FTO: variants seen among roughly 807,000 people sequenced by gnomAD.
FTO encodes the protein alpha-ketoglutarate-dependent dioxygenase FTO.
A neutral mutation model predicts 63.9 loss-of-function variants in FTO; 47 were observed. The ratio of observed to expected loss-of-function variants is 0.74; its 90% confidence interval spans 0.58 to 0.94. FTO has a LOEUF of 0.94. FTO is among the 40% of genes least tolerant of loss of function. FTO has a pLI of 0.00. For synonymous variants in FTO, 207 were observed against 224.4 expected (o/e 0.92, Z 0.69); for missense variants, 562 against 618.1 (o/e 0.91, Z 0.96).
chr16:54,012,146 A>G (rs1432593261), intron 8 of FTO, among the ~76,000 whole-genome samples: 1 of 152,236 alleles, frequency 6.6e-6, no homozygotes, highest in Non-Finnish European at 1.5e-5. Context: ...AAGATCCTGC[A>G]CCAAATTAAA....
At chr16:54,009,608 A>G (rs2084291813) in intron 8 of FTO, among the ~76,000 whole-genome samples, 1 of 152,112 alleles carries the variant, frequency 6.6e-6, no homozygotes, top group Admixed American at 6.6e-5. Context: ...CCCAGATGAT[A>G]TCTCCCAAGA....
At chr16:54,080,957 A>C (rs1332148911) in intron 8 of FTO, among the ~76,000 whole-genome samples, 1 of 152,204 alleles carries the variant, frequency 6.6e-6, no homozygotes, top group African/African-American at 2.4e-5. Flanking sequence ...TTAAGGCAGG[A>C]TGTAGTGTGA....
intron 4 of FTO, among the ~76,000 whole-genome samples, chr16:53,873,403 A>G (rs1459795447): frequency 1.3e-5 from 2 of 151,672 alleles, no homozygotes; most frequent in Non-Finnish European, 2.9e-5. Flanking sequence ...TCAAAGTGTC[A>G]TACTTTGTAT....
intron 2 of FTO, among the ~76,000 whole-genome samples, chr16:53,823,002 C>A (rs1307338952): frequency 6.6e-6 from 1 of 152,198 alleles, no homozygotes; most frequent in African/African-American, 2.4e-5. Context: ...TAGCCTTCTT[C>A]TTTATCAAAA....
chr16:53,857,594 C>T (rs2080044537), intron 4 of FTO, among the ~76,000 whole-genome samples: 1 of 152,116 alleles, frequency 6.6e-6, no homozygotes, highest in African/African-American at 2.4e-5. Flanking sequence ...CACCCTATCA[C>T]TGGGGTTCAC....
chr16:54,004,224 G>T (rs1279788322), intron 8 of FTO, among the ~76,000 whole-genome samples: 1 of 152,006 alleles, frequency 6.6e-6, no homozygotes, highest in Non-Finnish European at 1.5e-5. Flanking sequence ...GGAAAAGACC[G>T]TATTATGAAT....
intron 4 of FTO, among the ~76,000 whole-genome samples, chr16:53,864,360 A>C (rs1025984022): frequency 2.0e-5 from 3 of 152,210 alleles, no homozygotes; most frequent in African/African-American, 4.8e-5. Context: ...GGGTAAATTT[A>C]GGGTGACCAA....
chr16:53,830,374 G>A (rs1305749023), intron 3 of FTO, among the ~76,000 whole-genome samples: 1 of 152,138 alleles, frequency 6.6e-6, no homozygotes, highest in Non-Finnish European at 1.5e-5. Flanking sequence ...AGCGGGGAAG[G>A]CATTAAAAAC....
chr16:53,891,756 A>T (rs148253101), intron 7 of FTO, among the ~76,000 whole-genome samples: 1 of 152,384 alleles, frequency 6.6e-6, no homozygotes, highest in South Asian at 2.1e-4. Context: ...AGTTATATCT[A>T]TGTAAATTTG....
At chr16:53,968,316 G>A (rs1012407799) in intron 8 of FTO, among the ~76,000 whole-genome samples, 2 of 152,148 alleles carry the variant, frequency 1.3e-5, no homozygotes, top group African/African-American at 4.8e-5. Flanking sequence ...TTTGGTATCT[G>A]GGGTATCAGT....
chr16:54,099,440 C>T (rs1379281328), intron 8 of FTO, among the ~76,000 whole-genome samples: 1 of 152,110 alleles, frequency 6.6e-6, no homozygotes, highest in African/African-American at 2.4e-5. Flanking sequence ...GGAACCCAAC[C>T]CGGCCTCTCT....
chr16:54,012,682 G>A (rs536776115), intron 8 of FTO, among the ~76,000 whole-genome samples: 12 of 152,226 alleles, frequency 7.9e-5, no homozygotes, highest in South Asian at 2.1e-4. Flanking sequence ...CTCATTTACC[G>A]TTCTGAAAAT....
chr16:54,042,326 G>T (rs1332449764), intron 8 of FTO, among the ~76,000 whole-genome samples: 7 of 130,660 alleles, frequency 5.4e-5, no homozygotes, highest in Non-Finnish European at 9.5e-5. Flanking sequence ...TTCCCTTTCC[G>T]AGTCAAAGAA....
rs142484269 is a variant in FTO at position 53,755,936 on chromosome 16, C to A, written c.45+51707C>A. On this transcript the variant is annotated intron_variant, in intron 1 of 8. Transcript: ENST00000471389. Reference sequence around the variant, plus strand: ...AACCACTGTCCCAGCCTGGTTAAGCCACTGTTATTTTGGATTTTTTGTCAC... The same window carrying A: ...AACCACTGTCCCAGCCTGGTTAAGCAACTGTTATTTTGGATTTTTTGTCAC... Among the ~76,000 whole-genome samples, 40 of 152,264 alleles carry A rather than the reference C, an allele frequency of 2.6e-4. No individual in the cohort carries two copies. The East Asian group carries it at 7.7e-3, about 29-fold the overall frequency.
At chr16:54,025,871 G>A (rs1385276189) in intron 8 of FTO, among the ~76,000 whole-genome samples, 1 of 152,156 alleles carries the variant, frequency 6.6e-6, no homozygotes, top group African/African-American at 2.4e-5. Context: ...AAATTATCCG[G>A]GCATGGGGGC....
chr16:53,842,401 A>G (rs1231558611), intron 3 of FTO, among the ~76,000 whole-genome samples: 4 of 152,208 alleles, frequency 2.6e-5, no homozygotes, highest in Non-Finnish European at 2.9e-5. Context: ...TGCTCAATAA[A>G]TAATTATTAA....
intron 2 of FTO, among the ~76,000 whole-genome samples, chr16:53,820,450 A>G (rs996088274): frequency 2.6e-5 from 4 of 152,048 alleles, no homozygotes; most frequent in African/African-American, 9.6e-5. Context: ...GAGGGCACCT[A>G]TTTGAGGGTG....
intron 1 of FTO, among the ~76,000 whole-genome samples, chr16:53,732,838 G>A (rs2076305166): frequency 6.6e-6 from 1 of 152,192 alleles, no homozygotes; most frequent in African/African-American, 2.4e-5. Context: ...GGAAAAAGGA[G>A]CATTGTAGCA....
At chr16:53,922,321 C>T (rs1382283052) in intron 7 of FTO, among the ~76,000 whole-genome samples, 1 of 152,120 alleles carries the variant, frequency 6.6e-6, no homozygotes, top group African/African-American at 2.4e-5. Context: ...CAGAGAATTT[C>T]CCATTGGCTT....
Sources: gnomAD v4.1 joint callset for allele counts (sites outside exome capture counted in the v4.1 genomes callset) on GRCh38, gnomAD v4.1.1 for gene constraint, MANE v1.5 for transcripts, NCBI Gene and HGNC (gene_info 2026-07-23, HGNC 2026-07-21) for gene names.